MRPL42: variants seen among roughly 807,000 people sequenced by gnomAD.
MRPL42 encodes large ribosomal subunit protein mL42.
A neutral mutation model predicts 17.9 loss-of-function variants in MRPL42; 17 were observed. The observed-to-expected ratio is 0.95, with a 90% CI of 0.65 to 1.42. The LOEUF is 1.42. Ranked by LOEUF, MRPL42 falls within the 40% of genes most tolerant of loss-of-function variation. The pLI is 0.00. For missense variants in MRPL42, 177 were observed against 175.2 expected, an observed-to-expected ratio of 1.01 and a Z score of -0.06; for synonymous variants, 59 against 54.4, an observed-to-expected ratio of 1.08 and a Z score of -0.37.
chr12:93,474,593 CCCAGT>C (rs1880071393), intron 2 of MRPL42, among the ~76,000 whole-genome samples: 1 of 151,480 alleles, frequency 6.6e-6, no homozygotes. Flanking sequence ...TGCCACCATG[CCCAGT>C]TAATTTTTAA....
Position 93,507,254 on chromosome 12 carries a change from A to G in MRPL42, c.*6033A>G, listed in dbSNP as rs1392390585. On this transcript the variant is annotated 3_prime_UTR_variant, in exon 6 of 6. Coordinates refer to ENST00000549982, the MANE Select transcript of MRPL42 (RefSeq NM_014050.4). ...CCCCTGAAATCATATATTTACTACT[A>G]AAACCATTAGATTGTTTCCTTGTTC... The G allele has an allele frequency of 1.3e-5, 2 of 152,210 alleles. No individual in the cohort carries two copies. The highest frequency in any genetic ancestry group is 6.5e-5 in the Admixed American group (1 of 15,282). 9.4% of individuals were successfully genotyped at this position (152,210 alleles called of 1,614,324 possible).
intron 5 of MRPL42, among the ~76,000 whole-genome samples, chr12:93,494,747 A>C (rs1953464367): frequency 6.6e-6 from 1 of 152,016 alleles, no homozygotes; most frequent in Non-Finnish European, 1.5e-5. Context: ...TAGAGAATGG[A>C]ACAGAAAAGT....
At chr12:93,495,843 A>C (rs1953490169) in intron 5 of MRPL42, among the ~76,000 whole-genome samples, 1 of 152,188 alleles carries the variant, frequency 6.6e-6, no homozygotes, top group Admixed American at 6.5e-5. Context: ...GAACTCTGGA[A>C]ATAAAACTTC....
rs1161764471 is a variant in MRPL42 at position 93,510,520 on chromosome 12, A to AAAC, written c.*9300_*9302dup. 6.6e-5 allele frequency: 10 copies of AAAC among 152,238 alleles called. No homozygotes were observed. Among genetic ancestry groups the AAAC allele is most frequent in the Non-Finnish European group, 8.8e-5 (6 of 68,054 alleles). The allele number at this position is 152,238 out of a possible 1,614,324, so 9.4% of individuals were successfully genotyped here. A position where few individuals can be genotyped will look rare whatever the true frequency, so the allele number is the denominator to read the frequency against. On this transcript the variant is annotated 3_prime_UTR_variant, in exon 6 of 6. Transcript: ENST00000549982. ...ATGTTTCGTTTTGTAAAAAACCACC[A>AAAC]AACTGTCCTACAGAGAGGCTGTACC...
chr12:93,508,765 A>T lies in MRPL42; in HGVS notation c.*7544A>T, dbSNP rs182091586. On this transcript the variant is annotated 3_prime_UTR_variant, in exon 6 of 6. Coordinates refer to ENST00000549982, the MANE Select transcript of MRPL42 (RefSeq NM_014050.4). ...TTTCTTCCCGTAAGCAGCCCCGAAC[A>T]CTTACTTATAAGCCATCTCTACCTG... The T allele has an allele frequency of 6.6e-6, 1 of 152,284 alleles. No individual in the cohort carries two copies. The highest frequency in any genetic ancestry group is 1.5e-5 in the Non-Finnish European group (1 of 68,038). 9.4% of individuals were successfully genotyped at this position (152,284 alleles called of 1,614,324 possible). A position where few individuals can be genotyped will look rare whatever the true frequency, so the allele number is the denominator to read the frequency against.
Position 93,479,479 on chromosome 12 carries a change from A to T in MRPL42, c.219+7A>T. On this transcript the variant is annotated splice_region_variant and intron_variant, in intron 4 of 5. Coordinates refer to ENST00000549982, the MANE Select transcript of MRPL42 (RefSeq NM_014050.4). ...TCCATATGAACACACAAAAGTATGT[A>T]TGAGAAAATTTCTTGCAGTTTTTAA... is the stretch of plus-strand genomic sequence containing the variant. The T allele has an allele frequency of 6.3e-7, 1 of 1,593,392 alleles. No individual in the cohort carries two copies. The highest frequency in any genetic ancestry group is 8.6e-7 in the Non-Finnish European group (1 of 1,165,544).
Position 93,471,069 on chromosome 12 carries a change from A to G in MRPL42, c.70+1714A>G, listed in dbSNP as rs115068312. ...AAGAATGGAGTATAAGTAAAGTAAT[A>G]AATAGGCAATTTGTTATGCTTGAGA... On this transcript the variant is annotated intron_variant, in intron 2 of 5. Coordinates refer to ENST00000549982, the MANE Select transcript of MRPL42 (RefSeq NM_014050.4). Among the ~76,000 whole-genome samples, 338 of 152,382 alleles carry G rather than the reference A, an allele frequency of 2.2e-3. 2 individuals are homozygous for G. Among genetic ancestry groups the G allele is most frequent in the African/African-American group, 7.8e-3 (325 of 41,588 alleles).
At chr12:93,468,386 A>G (rs941748898) in intron 1 of MRPL42, among the ~76,000 whole-genome samples, 1 of 152,248 alleles carries the variant, frequency 6.6e-6, no homozygotes, top group Non-Finnish European at 1.5e-5. Flanking sequence ...TATTCACAAC[A>G]GGCCATGAAG....
chr12:93,483,436 G>T (rs757259307), intron 4 of MRPL42, among the ~76,000 whole-genome samples: 9 of 152,150 alleles, frequency 5.9e-5, no homozygotes, highest in Non-Finnish European at 1.0e-4. Context: ...ATTGCTCCCA[G>T]GCTGCAAACG....
At chr12:93,472,784 A>G (rs1158971588) in intron 2 of MRPL42, among the ~76,000 whole-genome samples, 2 of 152,144 alleles carry the variant, frequency 1.3e-5, no homozygotes, top group East Asian at 3.9e-4. Context: ...AGTGTAGAAC[A>G]CTTCACAGTT....
In MRPL42 at chr12:93,509,107, G is replaced by C. The variant is rs930972597; in HGVS notation, c.*7886G>C. On this transcript the variant is annotated 3_prime_UTR_variant, in exon 6 of 6. Transcript: ENST00000549982. ...GGAGGCTGAGGCAGGAGAATCCCTT[G>C]AACCCAGGAGGCAGAGGTTGCAGTG... The C allele has an allele frequency of 6.7e-6, 1 of 148,998 alleles. No homozygotes were observed. Among genetic ancestry groups the C allele is most frequent in the African/African-American group, 2.5e-5 (1 of 40,270 alleles). 9.2% of individuals were successfully genotyped at this position (148,998 alleles called of 1,614,324 possible).
chr12:93,496,829 G>C (rs1174718554), intron 5 of MRPL42, among the ~76,000 whole-genome samples: 3 of 150,482 alleles, frequency 2.0e-5, no homozygotes, highest in Non-Finnish European at 4.4e-5. Context: ...GGGGGCGGGT[G>C]GGGACGGAGT....
rs1195815984 is a variant in MRPL42 at position 93,516,202 on chromosome 12, A to G, written c.*14981A>G. On this transcript the variant is annotated 3_prime_UTR_variant, in exon 6 of 6. Coordinates refer to ENST00000549982, the MANE Select transcript of MRPL42 (RefSeq NM_014050.4). The stretch of plus-strand genomic sequence containing the variant: ...TTTGCTGCAATGAGTAATAAACTCA[A>G]CTTGTTTAACTAGAGGTGTGTTCCT... The G allele has an allele frequency of 6.6e-6, 1 of 152,360 alleles. No individual in the cohort carries two copies. Among genetic ancestry groups the G allele is most frequent in the East Asian group, 1.9e-4 (1 of 5,186 alleles). 9.4% of individuals were successfully genotyped at this position (152,360 alleles called of 1,614,324 possible).
At chr12:93,487,885 C>G (rs2121235389) in intron 5 of MRPL42, 1 of 408,870 alleles carries the variant, frequency 2.4e-6, no homozygotes, top group South Asian at 4.0e-5. Flanking sequence ...CAGCCTCAAC[C>G]TCCAGTGCTC....
chr12:93,499,884 T>C (rs1953559283), intron 5 of MRPL42, among the ~76,000 whole-genome samples: 1 of 152,198 alleles, frequency 6.6e-6, no homozygotes. Context: ...TCTTACCATT[T>C]ATAGTATAAA....
chr12:93,479,313 CAAAA>C lies in MRPL42; in HGVS notation c.135-63_135-60del, dbSNP rs34328828. ...TGGGTGACATAGTGAGAGTCCATCT[CAAAA>C]AAAAAAAAAAAGGTAATCATTTTGC... is the stretch of plus-strand genomic sequence containing the variant. On this transcript the variant is annotated intron_variant, in intron 3 of 5. Transcript: ENST00000549982. 731 of 731,452 alleles carry C rather than the reference CAAAA, an allele frequency of 1.0e-3. 1 individual carries two copies. In the Middle Eastern group the frequency reaches 0.013, roughly 13 times the overall value. 45.3% of individuals were successfully genotyped at this position (731,452 alleles called of 1,614,324 possible). A position where few individuals can be genotyped will look rare whatever the true frequency, so the allele number is the denominator to read the frequency against.
intron 3 of MRPL42, among the ~76,000 whole-genome samples, chr12:93,478,706 A>G (rs1254164960): frequency 1.3e-5 from 2 of 152,160 alleles, no homozygotes; most frequent in Non-Finnish European, 2.9e-5. Context: ...TTAAATGTTC[A>G]TTGTAGCCAT....
At chr12:93,491,041 T>G (rs1267756429) in intron 5 of MRPL42, among the ~76,000 whole-genome samples, 1 of 151,948 alleles carries the variant, frequency 6.6e-6, no homozygotes, top group Non-Finnish European at 1.5e-5. Flanking sequence ...CAGGTGCACA[T>G]CACCATGCCT....
rs1232154673 is a variant in MRPL42 at position 93,513,544 on chromosome 12, A to G, written c.*12323A>G. ...TTATTCAAAGTATATCTAATGGTCTAATAAACAGAATCACTACTTCAATTA... is the reference window on the plus strand; with the variant it reads ...TTATTCAAAGTATATCTAATGGTCTGATAAACAGAATCACTACTTCAATTA... On this transcript the variant is annotated 3_prime_UTR_variant, in exon 6 of 6. Transcript: ENST00000549982. 1 of 152,194 alleles carries G rather than the reference A, an allele frequency of 6.6e-6. No homozygotes were observed. The highest frequency in any genetic ancestry group is 1.5e-5 in the Non-Finnish European group (1 of 68,032). 9.4% of individuals were successfully genotyped at this position (152,194 alleles called of 1,614,324 possible). A position where few individuals can be genotyped will look rare whatever the true frequency, so the allele number is the denominator to read the frequency against.
Sources: gnomAD v4.1 joint callset for allele counts (sites outside exome capture counted in the v4.1 genomes callset) on GRCh38, gnomAD v4.1.1 for gene constraint, MANE v1.5 for transcripts, NCBI Gene and HGNC (gene_info 2026-07-23, HGNC 2026-07-21) for gene names.